The following AGMO variants were observed in gnomAD, a reference collection of about 807,000 sequenced individuals.
AGMO encodes alkylglycerol monooxygenase, also known as glyceryl-ether monooxygenase.
A neutral mutation model predicts 60.2 loss-of-function variants in AGMO; 75 were observed. That is an observed-to-expected ratio of 1.25 (90% confidence interval 1.03 to 1.51). The LOEUF (loss-of-function observed/expected upper bound fraction) is 1.51, where lower values mean the gene tolerates loss of function less well. Ranked by LOEUF, AGMO falls within the 40% of genes most tolerant of loss-of-function variation. The pLI is 0.00. For missense variants in AGMO, 763 were observed against 525.5 expected (o/e 1.45, Z -4.42); for synonymous variants, 261 against 177.1 (o/e 1.47, Z -3.76).
chr7:15,520,091 A>G (rs1162612468), intron 3 of AGMO, among the ~76,000 whole-genome samples: 8 of 152,252 alleles, frequency 5.3e-5, no homozygotes, highest in Admixed American at 1.3e-4. Flanking sequence ...AAGATCAAAA[A>G]AGACAAAGAA....
intron 12 of AGMO, chr7:15,306,394 T>C (rs745903861): frequency 8.0e-6 from 3 of 373,594 alleles, no homozygotes; most frequent in Non-Finnish European, 1.6e-5. Flanking sequence ...ATCTTTATTA[T>C]TTTCAAGCTA....
rs561955268 is a variant in AGMO at position 15,319,121 on chromosome 7, G to A, written c.1263+46393C>T. On this transcript the variant is annotated intron_variant, in intron 12 of 12. Transcript: ENST00000342526. ...TTGTCTTATTTCTATTTTTCAAGAAGTTGATTGTTAATGCCTCAGCATAGG... is the reference window on the plus strand; with the variant it reads ...TTGTCTTATTTCTATTTTTCAAGAAATTGATTGTTAATGCCTCAGCATAGG... Among the ~76,000 whole-genome samples the A allele has an allele frequency of 5.8e-4, 88 of 152,150 alleles. 2 individuals are homozygous for A. In the South Asian group the frequency reaches 0.012, roughly 20 times the overall value.
At chr7:15,336,355 ATTTGT>A (rs926572500) in intron 12 of AGMO, among the ~76,000 whole-genome samples, 3 of 151,516 alleles carry the variant, frequency 2.0e-5, no homozygotes, top group African/African-American at 7.3e-5. Flanking sequence ...TTTAAGGTTT[ATTTGT>A]TTTCTTTAAA....
intron 3 of AGMO, among the ~76,000 whole-genome samples, chr7:15,519,721 A>C (rs1783927892): frequency 6.6e-6 from 1 of 152,196 alleles, no homozygotes; most frequent in Admixed American, 6.5e-5. Flanking sequence ...TGTAAAGACC[A>C]TTGTCACTAT....
chr7:15,340,451 A>C (rs1320421962), intron 12 of AGMO, among the ~76,000 whole-genome samples: 2 of 152,196 alleles, frequency 1.3e-5, no homozygotes, highest in Admixed American at 1.3e-4. Flanking sequence ...TTTGGGCTTC[A>C]TAAACTCCTG....
At chr7:15,344,435 C>A (rs1354145311) in intron 12 of AGMO, among the ~76,000 whole-genome samples, 1 of 152,144 alleles carries the variant, frequency 6.6e-6, no homozygotes, top group Non-Finnish European at 1.5e-5. Context: ...TATTGTAGCT[C>A]ACTCCTGTAA....
At chr7:15,163,958 C>A in the AGMO span, among the ~76,000 whole-genome samples, 2 of 151,938 alleles carry the variant, frequency 1.3e-5, no homozygotes, top group African/African-American at 4.8e-5. Context: ...TGGTTGTAGG[C>A]ATTTTTTGTT....
In AGMO at chr7:15,539,588, G is replaced by A. The variant is rs144615071; in HGVS notation, c.409+5184C>T. On this transcript the variant is annotated intron_variant, in intron 3 of 12. Transcript: ENST00000342526. The stretch of plus-strand genomic sequence containing the variant: ...CCATGTCTTTGCTATTGTGAATAGT[G>A]CTGCATTGAACATACACATGCATGT... Among the ~76,000 whole-genome samples the A allele has an allele frequency of 2.1e-4, 32 of 152,202 alleles. No individual in the cohort carries two copies. The East Asian group carries it at 5.6e-3, about 27-fold the overall frequency.
chr7:15,349,299 G>A (rs988579710), intron 12 of AGMO, among the ~76,000 whole-genome samples: 1 of 152,104 alleles, frequency 6.6e-6, no homozygotes, highest in Non-Finnish European at 1.5e-5. Flanking sequence ...CTAACGATCT[G>A]AGTTCATTTT....
At chr7:15,190,719 A>G in the AGMO span, among the ~76,000 whole-genome samples, 130 of 152,310 alleles carry the variant, frequency 8.5e-4, no homozygotes, top group Non-Finnish European at 1.7e-3. Flanking sequence ...TGAGTAGTCC[A>G]TATCTGATCA....
At chr7:15,350,980 C>CA (rs879723925) in intron 12 of AGMO, among the ~76,000 whole-genome samples, 2 of 151,928 alleles carry the variant, frequency 1.3e-5, no homozygotes, top group Non-Finnish European at 2.9e-5. Flanking sequence ...AGTTATTAGG[C>CA]AAAAAATGCT....
intron 5 of AGMO, among the ~76,000 whole-genome samples, chr7:15,405,810 T>C (rs1016445574): frequency 1.3e-5 from 2 of 151,876 alleles, no homozygotes; most frequent in Non-Finnish European, 2.9e-5. Context: ...CAGTCTCTTT[T>C]GGGTTCTGAG....
At chr7:15,179,385 ACAGT>A in the AGMO span, among the ~76,000 whole-genome samples, 6 of 152,200 alleles carry the variant, frequency 3.9e-5, no homozygotes, top group Non-Finnish European at 7.3e-5. Flanking sequence ...TAATGGTGGG[ACAGT>A]CATAGAATAG....
chr7:15,462,316 A>T (rs1782163400), intron 3 of AGMO, among the ~76,000 whole-genome samples: 1 of 152,172 alleles, frequency 6.6e-6, no homozygotes, highest in African/African-American at 2.4e-5. Context: ...CTTGCTGCAG[A>T]GACAGATTCA....
intron 12 of AGMO, among the ~76,000 whole-genome samples, chr7:15,323,431 G>C (rs1158298896): frequency 6.6e-6 from 1 of 152,096 alleles, no homozygotes; most frequent in Non-Finnish European, 1.5e-5. Context: ...GGGGATAAAA[G>C]ATAAAGTGTG....
In AGMO at chr7:15,263,411, T is replaced by TAA. The variant is rs34312726; in HGVS notation, c.1264-62054_1264-62053dup. 4.0e-3 allele frequency among the ~76,000 whole-genome samples: 602 copies of TAA among 151,422 alleles called. 2 individuals are homozygous for TAA. Among genetic ancestry groups the TAA allele is most frequent in the Non-Finnish European group, 6.1e-3 (413 of 67,776 alleles). ...CTCACTCCTGCAAGAATGGGCATAA[T>TAA]AAAAAAAATAGATATTGGCATAGAT... On this transcript the variant is annotated intron_variant, in intron 12 of 12. Coordinates refer to ENST00000342526, the MANE Select transcript of AGMO (RefSeq NM_001004320.2).
intron 12 of AGMO, among the ~76,000 whole-genome samples, chr7:15,322,346 G>A (rs1287147349): frequency 1.4e-5 from 2 of 143,196 alleles, no homozygotes; most frequent in Non-Finnish European, 3.0e-5. Flanking sequence ...TACCAGTTGG[G>A]AAAACAATTG....
chr7:15,294,803 G>C (rs951518287), intron 12 of AGMO, among the ~76,000 whole-genome samples: 8 of 151,852 alleles, frequency 5.3e-5, no homozygotes, highest in African/African-American at 1.9e-4. Flanking sequence ...CAAATGGAAA[G>C]CAATATGTAG....
At chr7:15,527,228 G>C (rs1784150496) in intron 3 of AGMO, among the ~76,000 whole-genome samples, 1 of 152,164 alleles carries the variant, frequency 6.6e-6, no homozygotes, top group Non-Finnish European at 1.5e-5. Flanking sequence ...CTTGTGGAAA[G>C]CAGCCAAGTA....
Sources: gnomAD v4.1 joint callset for allele counts (sites outside exome capture counted in the v4.1 genomes callset) on GRCh38, gnomAD v4.1.1 for gene constraint, MANE v1.5 for transcripts, NCBI Gene and HGNC (gene_info 2026-07-23, HGNC 2026-07-21) for gene names.